Variants in RAD21 observed in about 807,000 individuals in gnomAD.
RAD21 encodes RAD21 cohesin complex component.
RAD21 carries 18 observed loss-of-function variants against 71.5 expected under a neutral mutation model. That is an observed-to-expected ratio of 0.25 (90% confidence interval 0.17 to 0.37). The LOEUF (loss-of-function observed/expected upper bound fraction) is 0.37, where lower values mean the gene tolerates loss of function less well. RAD21 is among the 10% of genes least tolerant of loss of function. The pLI is 1.00. For missense variants in RAD21, 493 were observed against 769.1 expected (o/e 0.64, Z 4.25); for synonymous variants, 248 against 254.0 (o/e 0.98, Z 0.22).
chr8:116,864,049 T>C (rs565499764), intron 2 of RAD21, among the ~76,000 whole-genome samples: 4 of 152,086 alleles, frequency 2.6e-5, no homozygotes, highest in Non-Finnish European at 5.9e-5. Context: ...ATAGTATCCA[T>C]AGCTTTTTTT....
At chr8:116,861,972 G>A in intron 3 of RAD21, 32 bp from the exon 4 acceptor site, 2 of 1,505,806 alleles carry the variant, frequency 1.3e-6, no homozygotes, top group Non-Finnish European at 1.8e-6. Flanking sequence ...TAAATATCTA[G>A]CTACCCATAA....
intron 1 of RAD21, among the ~76,000 whole-genome samples, chr8:116,869,575 ACT>A (rs1812768230): frequency 1.3e-5 from 2 of 152,156 alleles, no homozygotes; most frequent in South Asian, 2.1e-4. Flanking sequence ...ACACAGCAAG[ACT>A]CTGTATAAAA....
chr8:116,856,956 C>T (rs1276174084), intron 6 of RAD21, among the ~76,000 whole-genome samples, 185 bp from the exon 7 acceptor site: 1 of 151,572 alleles, frequency 6.6e-6, no homozygotes, highest in African/African-American at 2.4e-5. Context: ...AAAAAATTCT[C>T]ATTCTTCATT....
At chr8:116,874,255 C>T (rs1333101263) in intron 1 of RAD21, 1 of 152,304 alleles carries the variant, frequency 6.6e-6, no homozygotes, top group African/African-American at 2.4e-5. Flanking sequence ...CAAACCTCCT[C>T]CCCTCCCTCC....
intron 13 of RAD21, chr8:116,848,744 T>A: frequency 2.3e-6 from 1 of 427,870 alleles, no homozygotes; most frequent in African/African-American, 2.4e-5. Context: ...TGTATTTAAT[T>A]AAAACTTAAA....
chr8:116,863,537 AG>A (rs1563692747), intron 2 of RAD21, among the ~76,000 whole-genome samples: 2 of 152,138 alleles, frequency 1.3e-5, no homozygotes, highest in Admixed American at 6.6e-5. Flanking sequence ...TTGCCAATCC[AG>A]GGCCATTGTT....
In RAD21 at chr8:116,857,429, C is replaced by T; in HGVS notation, c.526G>A (p.Ala176Thr). Residue 176 changes from alanine to threonine, a missense_variant, in exon 6 of 14, where the codon GCT (alanine) becomes ACT (threonine). Coordinates refer to ENST00000297338, the MANE Select transcript of RAD21 (RefSeq NM_006265.3). ...DDREIMREGSAFEDDDMLVST... is the reference protein window; with the variant it reads ...DDREIMREGSTFEDDDMLVST... ...ACTAACATGTCGTCATCCTCAAAAG[C>T]ACTGCCTTCTCTCATTATCTCACGA... 1.9e-6 allele frequency: 3 copies of T among 1,613,406 alleles called. No individual in the cohort carries two copies. The highest frequency in any genetic ancestry group is 2.5e-6 in the Non-Finnish European group (3 of 1,179,714).
chr8:116,846,719 T>C lies in RAD21; in HGVS notation c.*781A>G, dbSNP rs930604859. 3.6e-5 allele frequency: 8 copies of C among 220,996 alleles called. No homozygotes were observed. The highest frequency in any genetic ancestry group is 5.4e-5 in the Non-Finnish European group (6 of 110,154). The allele number at this position is 220,996 out of a possible 1,614,324, so 13.7% of individuals were successfully genotyped here. On this transcript the variant is annotated 3_prime_UTR_variant, in exon 14 of 14. Transcript: ENST00000297338. The stretch of plus-strand genomic sequence containing the variant: ...ATATCCAAACATCTTTTTAAAACTT[T>C]GATTTATAGCTCCTAGAAAGTTATG...
chr8:116,864,342 A>C (rs1291467945), intron 2 of RAD21, among the ~76,000 whole-genome samples: 1 of 152,140 alleles, frequency 6.6e-6, no homozygotes, highest in East Asian at 1.9e-4. Flanking sequence ...TTAAATTATG[A>C]TTAGTATATT....
At chr8:116,864,584 G>A (rs927062107) in intron 2 of RAD21, among the ~76,000 whole-genome samples, 4 of 151,912 alleles carry the variant, frequency 2.6e-5, no homozygotes, top group African/African-American at 9.7e-5. Context: ...AAAATTCAAA[G>A]TAAAATGTTG....
At chr8:116,849,983 CAG>C (rs1475570088) in intron 12 of RAD21, among the ~76,000 whole-genome samples, 1 of 151,902 alleles carries the variant, frequency 6.6e-6, no homozygotes, top group African/African-American at 2.4e-5. Context: ...GAGTATCAAA[CAG>C]AAGAATAAAT....
chr8:116,863,346 T>C (rs1449455987), intron 2 of RAD21, 87 bp from the exon 3 acceptor site: 17 of 1,410,212 alleles, frequency 1.2e-5, no homozygotes, highest in Middle Eastern at 1.9e-4. Flanking sequence ...TAAAGTTGCC[T>C]TATAATCACA....
chr8:116,854,047 C>G (rs745990821), intron 9 of RAD21, among the ~76,000 whole-genome samples, 198 bp downstream of exon 9: 2 of 147,486 alleles, frequency 1.4e-5, no homozygotes, highest in Admixed American at 6.6e-5. Context: ...CATTTTACAT[C>G]TTTTAGAAAT....
At chr8:116,847,880 TATCA>T in intron 13 of RAD21, among the ~76,000 whole-genome samples, 189 bp from the exon 14 acceptor site, 1 of 152,254 alleles carries the variant, frequency 6.6e-6, no homozygotes, top group East Asian at 1.9e-4. Flanking sequence ...GTGGATCCCT[TATCA>T]ATCACTCCCT....
intron 1 of RAD21, among the ~76,000 whole-genome samples, chr8:116,867,646 G>A (rs1812723940): frequency 6.6e-6 from 1 of 152,148 alleles, no homozygotes; most frequent in African/African-American, 2.4e-5. Flanking sequence ...CAAATCTATT[G>A]TTCTGATTTT....
chr8:116,872,768 C>A (rs1812857660), intron 1 of RAD21, among the ~76,000 whole-genome samples: 1 of 152,184 alleles, frequency 6.6e-6, no homozygotes, highest in Non-Finnish European at 1.5e-5. Flanking sequence ...ATACCTAACT[C>A]AGATCAGAAC....
At chr8:116,850,935 A>AT (rs1258323451) in intron 11 of RAD21, 168 bp from the exon 12 acceptor site, 14 of 424,906 alleles carry the variant, frequency 3.3e-5, no homozygotes, top group Non-Finnish European at 1.2e-5. Flanking sequence ...ATCTTTTTTG[A>AT]TTTTTTATAA....
chr8:116,859,544 T>G (rs1812543835), intron 4 of RAD21, among the ~76,000 whole-genome samples: 1 of 152,080 alleles, frequency 6.6e-6, no homozygotes, highest in African/African-American at 2.4e-5. Flanking sequence ...CCTGGCCCAG[T>G]GATCTTTGAT....
In RAD21 at chr8:116,874,641, G is replaced by C; in HGVS notation, c.-63C>G. On this transcript the variant is annotated 5_prime_UTR_variant, in exon 1 of 14. Transcript: ENST00000297338. Reference sequence around the variant, plus strand: ...TCTCCGCTGGGAGTTGGGCGGGCTGGGTGGCCCGGGGAGGGGAAAAGGGTC... The same window carrying C: ...TCTCCGCTGGGAGTTGGGCGGGCTGCGTGGCCCGGGGAGGGGAAAAGGGTC... The C allele has an allele frequency of 2.7e-6, 1 of 367,212 alleles. No homozygotes were observed. Among genetic ancestry groups the C allele is most frequent in the Non-Finnish European group, 5.4e-6 (1 of 186,660 alleles). The allele number at this position is 367,212 out of a possible 1,614,324, so 22.7% of individuals were successfully genotyped here. A position where few individuals can be genotyped will look rare whatever the true frequency, so the allele number is the denominator to read the frequency against.
Sources: allele counts gnomAD v4.1 joint callset (sites outside exome capture counted in the v4.1 genomes callset), GRCh38; gene constraint gnomAD v4.1.1; transcripts MANE v1.5; gene names NCBI Gene and HGNC (gene_info 2026-07-23, HGNC 2026-07-21).